SF3A1: variants seen among roughly 807,000 people sequenced by gnomAD.
SF3A1 encodes SAP 114.
A neutral mutation model predicts 89.9 loss-of-function variants in SF3A1; 13 were observed. The observed-to-expected ratio is 0.14, with a 90% CI of 0.09 to 0.23. The LOEUF is 0.23. Ranked by LOEUF, SF3A1 falls within the 10% of genes least tolerant of loss-of-function variation. The probability of loss-of-function intolerance (pLI) is 1.00; values close to 1 mark genes in which losing one functional copy is unlikely to be tolerated. For synonymous variants in SF3A1, 405 were observed against 374.4 expected (o/e 1.08, Z -0.94); for missense variants, 604 against 1,022.1 (o/e 0.59, Z 5.58).
intron 7 of SF3A1, 119 bp downstream of exon 7, chr22:30,341,557 GCTGTATGGCCTTGTTC>G: frequency 8.3e-6 from 5 of 602,884 alleles, no homozygotes; most frequent in South Asian, 5.9e-5. Context: ...GACTTGGGCA[GCTGTATGGCCTTGTTC>G]AGGACCCACG....
intron 1 of SF3A1, among the ~76,000 whole-genome samples, chr22:30,356,101 G>T (rs559585830): frequency 2.6e-5 from 4 of 152,150 alleles, no homozygotes; most frequent in African/African-American, 9.7e-5. Context: ...CGAGATTGGA[G>T]AGCTTTATTA....
chr22:30,355,823 C>A lies in SF3A1; in HGVS notation c.63+907G>T, dbSNP rs574524096. ...GGCTTCTTCAGTCATGTTCCCCCCCCCCGCCCCCCTTATTCTGAACCCAAA... is the reference window on the plus strand; with the variant it reads ...GGCTTCTTCAGTCATGTTCCCCCCCACCGCCCCCCTTATTCTGAACCCAAA... On this transcript the variant is annotated intron_variant, in intron 1 of 15. Coordinates refer to ENST00000215793, the MANE Select transcript of SF3A1 (RefSeq NM_005877.6). 1.5e-4 allele frequency among the ~76,000 whole-genome samples: 18 copies of A among 116,556 alleles called. No homozygotes were observed. The South Asian group carries it at 6.3e-3, about 41-fold the overall frequency. 76.5% of individuals were successfully genotyped at this position (116,556 alleles called of 152,430 possible).
At chr22:30,337,425 G>GC (rs1450197382) in intron 12 of SF3A1, among the ~76,000 whole-genome samples, 1 of 152,190 alleles carries the variant, frequency 6.6e-6, no homozygotes, top group African/African-American at 2.4e-5. Flanking sequence ...CAAGCAACAA[G>GC]CATTTCTCAG....
intron 2 of SF3A1, among the ~76,000 whole-genome samples, chr22:30,351,566 C>G (rs895685315): frequency 1.3e-5 from 2 of 152,142 alleles, no homozygotes; most frequent in African/African-American, 4.8e-5. Flanking sequence ...AGGCTAGAGT[C>G]CATGGCTCAC....
In SF3A1 at chr22:30,345,079, G is replaced by A. The variant is rs776402953; in HGVS notation, c.505C>T (p.Leu169=). Reference sequence around the variant, plus strand: ...TTCCTGGCCACAAACTGAGCCGTCAGCTTCACCACATCCAAGTCGAAGGCT... The same window carrying A: ...TTCCTGGCCACAAACTGAGCCGTCAACTTCACCACATCCAAGTCGAAGGCT... ...ISAFDLDVVK[L]TAQFVARNGR... Residue 169 remains leucine, a synonymous_variant, in exon 4 of 16, where the codon CTG becomes TTG. Coordinates refer to ENST00000215793, the MANE Select transcript of SF3A1 (RefSeq NM_005877.6). 6.2e-7 allele frequency: 1 copy of A among 1,614,250 alleles called. No individual in the cohort carries two copies. Among genetic ancestry groups the A allele is most frequent in the South Asian group, 1.1e-5 (1 of 91,090 alleles).
rs766152156 is a variant in SF3A1 at position 30,332,412 on chromosome 22, A to G, written c.*2182T>C. 6.6e-6 allele frequency: 1 copy of G among 152,172 alleles called. No individual in the cohort carries two copies. Among genetic ancestry groups the G allele is most frequent in the Non-Finnish European group, 1.5e-5 (1 of 68,028 alleles). The allele number at this position is 152,172 out of a possible 1,614,324, so 9.4% of individuals were successfully genotyped here. A position where few individuals can be genotyped will look rare whatever the true frequency, so the allele number is the denominator to read the frequency against. ...TCCTGCAACAGGAGCACTTATTCCT[A>G]TTTCATAGTGTGGTCTGGTGGAGCA... On this transcript the variant is annotated 3_prime_UTR_variant, in exon 16 of 16. Coordinates refer to ENST00000215793, the MANE Select transcript of SF3A1 (RefSeq NM_005877.6).
At chr22:30,352,787 G>C (rs1055283695) in intron 2 of SF3A1, 164 bp downstream of exon 2, 2 of 684,572 alleles carry the variant, frequency 2.9e-6, no homozygotes, top group Non-Finnish European at 4.8e-6. Flanking sequence ...GCTGTGTCAG[G>C]GACACCAGTC....
At chr22:30,342,053 G>T in intron 6 of SF3A1, 147 bp downstream of exon 6, 1 of 1,181,120 alleles carries the variant, frequency 8.5e-7, no homozygotes, top group Non-Finnish European at 1.2e-6. Flanking sequence ...CAAAGTGGTA[G>T]AACTGAAGTC....
intron 2 of SF3A1, among the ~76,000 whole-genome samples, chr22:30,350,103 G>A (rs901583359): frequency 2.0e-5 from 3 of 151,906 alleles, no homozygotes; most frequent in South Asian, 2.1e-4. Context: ...CTAAGGAAAC[G>A]ATCTAAAAGG....
rs1387663441 is a variant in SF3A1 at position 30,340,397 on chromosome 22, T to C, written c.1190-16A>G. ...GGCTTGGAGGCTAAAAGGAAACAGA[T>C]GTTTCAGTAAGAACACTGGTGGGCA... On this transcript the variant is annotated splice_polypyrimidine_tract_variant and intron_variant, in intron 8 of 15. Coordinates refer to ENST00000215793, the MANE Select transcript of SF3A1 (RefSeq NM_005877.6). 1.2e-6 allele frequency: 2 copies of C among 1,610,672 alleles called. No individual in the cohort carries two copies. Among genetic ancestry groups the C allele is most frequent in the Admixed American group, 1.7e-5 (1 of 58,632 alleles).
intron 2 of SF3A1, among the ~76,000 whole-genome samples, chr22:30,350,327 A>G (rs1931552433): frequency 6.6e-6 from 1 of 151,342 alleles, no homozygotes; most frequent in East Asian, 1.9e-4. Flanking sequence ...AAAAATAAAA[A>G]AAAAATTAGC....
intron 2 of SF3A1, 42 bp downstream of exon 2, chr22:30,352,909 A>G: frequency 2.5e-6 from 4 of 1,610,104 alleles, no homozygotes; most frequent in Middle Eastern, 1.7e-4. Flanking sequence ...AAGTCTCTTC[A>G]TGCTGAAACC....
chr22:30,337,502 C>G (rs1931107400), intron 12 of SF3A1, among the ~76,000 whole-genome samples, 188 bp downstream of exon 12: 1 of 152,180 alleles, frequency 6.6e-6, no homozygotes, highest in African/African-American at 2.4e-5. Context: ...TTCAGCCTCT[C>G]ATTTCTACCA....
At chr22:30,343,129 A>G (rs1010826136) in intron 4 of SF3A1, among the ~76,000 whole-genome samples, 3 of 152,214 alleles carry the variant, frequency 2.0e-5, no homozygotes, top group African/African-American at 7.2e-5. Context: ...TTCGAGGATT[A>G]GCAGGAAAGC....
Position 30,337,858 on chromosome 22 carries a change from G to T in SF3A1, c.1783C>A (p.Pro595Thr), listed in dbSNP as rs777399607. The change falls in exon 12 of 16, where the codon CCC (proline) becomes ACC (threonine). Residue 595 changes from proline to threonine, a missense_variant. Physicochemically the swap from Pro to Thr is conservative, Grantham distance 38. Coordinates refer to ENST00000215793, the MANE Select transcript of SF3A1 (RefSeq NM_005877.6). ...GCCATTGGGGGCCGGGGCATGACGG[G>T]TACTGCGGAGACAACTGTAGTACGA... is the stretch of plus-strand genomic sequence containing the variant. ...PVRTTVVSAV[P>T]VMPRPPMASV... 1 of 1,608,806 alleles carries T rather than the reference G, an allele frequency of 6.2e-7. No homozygotes were observed. Among genetic ancestry groups the T allele is most frequent in the African/African-American group, 1.3e-5 (1 of 74,884 alleles).
At chr22:30,341,385 A>C (rs1002246665) in intron 7 of SF3A1, among the ~76,000 whole-genome samples, 1 of 152,170 alleles carries the variant, frequency 6.6e-6, no homozygotes, top group African/African-American at 2.4e-5. Flanking sequence ...CTCAAAACAG[A>C]ACAGGGTAAT....
chr22:30,343,102 G>A (rs1187824321), intron 4 of SF3A1, among the ~76,000 whole-genome samples: 1 of 152,086 alleles, frequency 6.6e-6, no homozygotes, highest in Non-Finnish European at 1.5e-5. Flanking sequence ...TTGGCACCAT[G>A]AACTTAAAAA....
intron 7 of SF3A1, among the ~76,000 whole-genome samples, chr22:30,341,052 C>T (rs2145807821): frequency 6.6e-6 from 1 of 150,880 alleles, no homozygotes; most frequent in South Asian, 2.1e-4. Context: ...GCAGCTGGCA[C>T]CAGGCAGTCC....
chr22:30,345,503 T>C (rs1219283548), intron 3 of SF3A1, among the ~76,000 whole-genome samples: 1 of 152,148 alleles, frequency 6.6e-6, no homozygotes, highest in Non-Finnish European at 1.5e-5. Context: ...TAGGACTTAT[T>C]AAATCCCATC....
Sources: gnomAD v4.1 joint callset for allele counts (sites outside exome capture counted in the v4.1 genomes callset) on GRCh38, gnomAD v4.1.1 for gene constraint, MANE v1.5 for transcripts, NCBI Gene and HGNC (gene_info 2026-07-23, HGNC 2026-07-21) for gene names.